Variants in HDAC5 observed in about 807,000 individuals in gnomAD.
HDAC5 encodes the protein antigen NY-CO-9.
A neutral mutation model predicts 133.3 loss-of-function variants in HDAC5; 25 were observed. The observed-to-expected ratio is 0.19, with a 90% CI of 0.14 to 0.26. The LOEUF (loss-of-function observed/expected upper bound fraction) is 0.26. Ranked by LOEUF, HDAC5 falls within the 10% of genes least tolerant of loss-of-function variation. The probability of loss-of-function intolerance (pLI) is 1.00; values close to 1 mark genes in which losing one functional copy is unlikely to be tolerated. For synonymous variants in HDAC5, 589 were observed against 610.8 expected, an observed-to-expected ratio of 0.96 and a Z score of 0.53; for missense variants, 1,041 against 1,460.5, an observed-to-expected ratio of 0.71 and a Z score of 4.68.
At chr17:44,104,405 A>G (rs2143482706) in intron 3 of HDAC5, among the ~76,000 whole-genome samples, 1 of 152,354 alleles carries the variant, frequency 6.6e-6, no homozygotes, top group Middle Eastern at 3.4e-3. Flanking sequence ...GACCACCTGG[A>G]TTCTAAGGGT....
intron 1 of HDAC5, among the ~76,000 whole-genome samples, chr17:44,118,633 C>T (rs1447588984): frequency 6.6e-6 from 1 of 152,188 alleles, no homozygotes; most frequent in Non-Finnish European, 1.5e-5. Flanking sequence ...AAGCCTCAGA[C>T]ACTATGCATA....
At chr17:44,087,388 A>T in intron 13 of HDAC5, 24 bp downstream of exon 13, 1 of 786,630 alleles carries the variant, frequency 1.3e-6, no homozygotes. Flanking sequence ...GTGACCAAGG[A>T]CTGGGACCAG....
At chr17:44,118,722 G>A (rs1225952965) in intron 1 of HDAC5, among the ~76,000 whole-genome samples, 1 of 152,110 alleles carries the variant, frequency 6.6e-6, no homozygotes, top group East Asian at 1.9e-4. Context: ...AATGAAGGCA[G>A]GCCCTCCAAT....
chr17:44,079,367 C>T (rs1233594565), intron 23 of HDAC5, 90 bp from the exon 24 acceptor site: 26 of 1,363,314 alleles, frequency 1.9e-5, no homozygotes, highest in South Asian at 6.5e-5. Context: ...AAAGGCCAGG[C>T]GCGGTGGCTC....
At chr17:44,097,265 C>T (rs2051329564) in intron 3 of HDAC5, among the ~76,000 whole-genome samples, 1 of 152,252 alleles carries the variant, frequency 6.6e-6, no homozygotes, top group African/African-American at 2.4e-5. Flanking sequence ...AAGGTAAAAG[C>T]TCAGCATGAT....
Position 44,088,432 on chromosome 17 carries a change from C to T in HDAC5, c.1554G>A (p.Gln518=), listed in dbSNP as rs1264105173. 6.3e-7 allele frequency: 1 copy of T among 1,582,206 alleles called. No homozygotes were observed. Among genetic ancestry groups the T allele is most frequent in the Admixed American group, 1.8e-5 (1 of 54,714 alleles). The change falls in exon 12 of 27, where the codon CAG becomes CAA. Residue 518 remains glutamine, a synonymous_variant. Coordinates refer to ENST00000682912, the MANE Select transcript of HDAC5 (RefSeq NM_005474.5). The stretch of plus-strand genomic sequence containing the variant: ...GCTGCTTCTGCTTCTCCAGGAACTG[C>T]TGGTGCTGTTGTTGCATGACCAGCT... ...LQQLVMQQQH[Q]QFLEKQKQQQ...
In HDAC5 at chr17:44,091,494, TG is replaced by T. The variant is rs760590623; in HGVS notation, c.1165-3del. ...CTGTGTCGACAGCTTCGGGGAGGCCTGGGGGGTGAAGGGAGGGGCTTATACA... is the reference window on the plus strand; with the variant it reads ...CTGTGTCGACAGCTTCGGGGAGGCCTGGGGGTGAAGGGAGGGGCTTATACA... On this transcript the variant is annotated splice_polypyrimidine_tract_variant and splice_region_variant and intron_variant, in intron 10 of 26. Coordinates refer to ENST00000682912, the MANE Select transcript of HDAC5 (RefSeq NM_005474.5). 8 of 1,547,300 alleles carry T rather than the reference TG, an allele frequency of 5.2e-6. No individual in the cohort carries two copies. Among genetic ancestry groups the T allele is most frequent in the South Asian group, 1.3e-5 (1 of 79,214 alleles).
At position 44,084,691 on chromosome 17, in the gene HDAC5, G is replaced by A; in HGVS notation, c.2185-16C>T. ...CTCGGATCCGCTGCCAGGAGGATCAGTAAGAGGGGTCACACAAAGGCACAG... is the reference window on the plus strand; with the variant it reads ...CTCGGATCCGCTGCCAGGAGGATCAATAAGAGGGGTCACACAAAGGCACAG... On this transcript the variant is annotated splice_polypyrimidine_tract_variant and intron_variant, in intron 15 of 26. Coordinates refer to ENST00000682912, the MANE Select transcript of HDAC5 (RefSeq NM_005474.5). 1.2e-6 allele frequency: 2 copies of A among 1,613,546 alleles called. No individual in the cohort carries two copies. Among genetic ancestry groups the A allele is most frequent in the Non-Finnish European group, 1.7e-6 (2 of 1,179,608 alleles).
intron 3 of HDAC5, among the ~76,000 whole-genome samples, chr17:44,097,784 C>T (rs1331096737): frequency 6.6e-6 from 1 of 152,270 alleles, no homozygotes; most frequent in East Asian, 1.9e-4. Flanking sequence ...CAGCAGATAA[C>T]CCTGCCTAGG....
chr17:44,093,957 G>C (rs960140185), intron 3 of HDAC5, 123 bp from the exon 4 acceptor site: 3 of 1,245,758 alleles, frequency 2.4e-6, no homozygotes, highest in African/African-American at 3.1e-5. Flanking sequence ...CAGAGAGGAA[G>C]TCAAATCCCT....
Position 44,078,054 on chromosome 17 carries a change from A to C in HDAC5, c.*322T>G. 1 of 271,556 alleles carries C rather than the reference A, an allele frequency of 3.7e-6. No individual in the cohort carries two copies. The highest frequency in any genetic ancestry group is 6.9e-6 in the Non-Finnish European group (1 of 144,438). The allele number at this position is 271,556 out of a possible 1,614,324, so 16.8% of individuals were successfully genotyped here. On this transcript the variant is annotated 3_prime_UTR_variant, in exon 27 of 27. Coordinates refer to ENST00000682912, the MANE Select transcript of HDAC5 (RefSeq NM_005474.5). ...CTCACTCGGGGGGCCCCAGAACTGG[A>C]GAGTACTGTCTGGGCCCCCGTGCCC... is the stretch of plus-strand genomic sequence containing the variant.
Position 44,079,136 on chromosome 17 carries a change from C to A in HDAC5, c.3078+8G>T, listed in dbSNP as rs1184754480. The stretch of plus-strand genomic sequence containing the variant: ...CCTGCCACCTCCCAGCTCCTTCCCA[C>A]CCCTTACCTCTACACTGAGCAGAGC... On this transcript the variant is annotated splice_region_variant and intron_variant, in intron 24 of 26. Coordinates refer to ENST00000682912, the MANE Select transcript of HDAC5 (RefSeq NM_005474.5). The A allele has an allele frequency of 1.9e-6, 3 of 1,610,530 alleles. No homozygotes were observed. The South Asian group carries it at 3.3e-5, about 18-fold the overall frequency.
Position 44,087,530 on chromosome 17 carries a change from T to C in HDAC5, c.1766A>G (p.Glu589Gly). 1 of 1,613,430 alleles carries C rather than the reference T, an allele frequency of 6.2e-7. No individual in the cohort carries two copies. Among genetic ancestry groups the C allele is most frequent in the Non-Finnish European group, 8.5e-7 (1 of 1,179,420 alleles). The change falls in exon 13 of 27, where the codon GAG becomes GGG. Residue 589 changes from glutamate to glycine, a missense_variant. Glu to Gly is a moderately conservative substitution (Grantham distance 98). Coordinates refer to ENST00000682912, the MANE Select transcript of HDAC5 (RefSeq NM_005474.5). ...CTCCTCCCCATCGTCTTCCTCGTCC[T>C]CCTCCTCCAGGTCTTCCTGTGTGCT... ...SESTQEDLEE[E>G]DEEDDGEEEE...
chr17:44,094,811 T>C (rs911683667), intron 3 of HDAC5, among the ~76,000 whole-genome samples: 2 of 151,846 alleles, frequency 1.3e-5, no homozygotes, highest in African/African-American at 4.8e-5. Flanking sequence ...TCTCTACCTA[T>C]ATATATATCA....
intron 1 of HDAC5, among the ~76,000 whole-genome samples, chr17:44,118,501 A>G (rs972367008): frequency 6.6e-6 from 1 of 152,152 alleles, no homozygotes; most frequent in African/African-American, 2.4e-5. Flanking sequence ...GTTTGTACGA[A>G]AGCAACAAAA....
chr17:44,081,610 A>AG (rs1241988191), intron 20 of HDAC5: 1 of 116,116 alleles, frequency 8.6e-6, no homozygotes, highest in Non-Finnish European at 1.7e-5. Context: ...ACAGAATCTC[A>AG]CTCTGTCATC....
intron 23 of HDAC5, among the ~76,000 whole-genome samples, chr17:44,079,639 C>CAAAAAAAAAAA (rs773678478): frequency 7.6e-5 from 5 of 65,808 alleles, no homozygotes; most frequent in South Asian, 6.2e-4. Flanking sequence ...GACTCCACCT[C>CAAAAAAAAAAA]AAAAAAAAAA....
Position 44,117,415 on chromosome 17 carries a change from G to T in HDAC5, c.22+79C>A. On this transcript the variant is annotated intron_variant, in intron 2 of 26. Coordinates refer to ENST00000682912, the MANE Select transcript of HDAC5 (RefSeq NM_005474.5). The surrounding 1 kb of genome is among the most constrained non-coding windows in gnomAD (Gnocchi z 4.2). ...ATAGCTCAGACAGTAAAGGTCAGCT[G>T]GCCTGGAAGGGAAACCCACACAGCC... 1 of 1,468,360 alleles carries T rather than the reference G, an allele frequency of 6.8e-7. No individual in the cohort carries two copies. The highest frequency in any genetic ancestry group is 9.6e-7 in the Non-Finnish European group (1 of 1,046,996). The allele number at this position is 1,468,360 out of a possible 1,614,324, so 91.0% of individuals were successfully genotyped here. A position where few individuals can be genotyped will look rare whatever the true frequency, so the allele number is the denominator to read the frequency against.
At chr17:44,085,307 T>G in intron 14 of HDAC5, 152 bp from the exon 15 acceptor site, 12 of 569,962 alleles carry the variant, frequency 2.1e-5, no homozygotes, top group East Asian at 6.5e-5. Flanking sequence ...GCCACAAACC[T>G]GCCCCCTCTC....
Sources: allele counts gnomAD v4.1 joint callset (sites outside exome capture counted in the v4.1 genomes callset), GRCh38; gene constraint gnomAD v4.1.1; non-coding constraint Gnocchi (gnomAD v3.1); transcripts MANE v1.5; gene names NCBI Gene and HGNC (gene_info 2026-07-23, HGNC 2026-07-21).